Variants in RAD51D observed in about 807,000 individuals in gnomAD.
RAD51D encodes DNA repair protein RAD51 homolog 4.
A neutral mutation model predicts 44.1 loss-of-function variants in RAD51D; 38 were observed. The observed-to-expected ratio is 0.86, with a 90% CI of 0.67 to 1.13. The LOEUF (loss-of-function observed/expected upper bound fraction) is 1.13. Among genes scored for constraint, RAD51D ranks in the 50% most tolerant of loss-of-function variants. The pLI is 0.00. For synonymous variants in RAD51D, 141 were observed against 166.6 expected, an observed-to-expected ratio of 0.85 and a Z score of 1.18; for missense variants, 390 against 414.0, an observed-to-expected ratio of 0.94 and a Z score of 0.50.
intron 8 of RAD51D, among the ~76,000 whole-genome samples, 154 bp from the exon 9 acceptor site, chr17:35,101,519 T>C (rs576586099): frequency 6.6e-6 from 1 of 152,316 alleles, no homozygotes; most frequent in East Asian, 1.9e-4. Flanking sequence ...AACTAGAACC[T>C]GGGCCTCCTG....
At position 35,096,944 on chromosome 17, in the gene RAD51D, C is replaced by T. The variant is rs957589108; in HGVS notation, c.*4009G>A. The stretch of plus-strand genomic sequence containing the variant: ...CTTGCAGCCTTAATGATACATGGAC[C>T]TTTGCCTGAGTCCTTGGGAATTCAA... On this transcript the variant is annotated 3_prime_UTR_variant, in exon 10 of 10. Coordinates refer to ENST00000345365, the MANE Select transcript of RAD51D (RefSeq NM_002878.4). The T allele has an allele frequency of 3.3e-5, 5 of 152,128 alleles. No homozygotes were observed. The highest frequency in any genetic ancestry group is 1.2e-4 in the African/African-American group (5 of 41,408). 9.4% of individuals were successfully genotyped at this position (152,128 alleles called of 1,614,324 possible). A position where few individuals can be genotyped will look rare whatever the true frequency, so the allele number is the denominator to read the frequency against.
chr17:35,112,630 G>A (rs1365217813), intron 3 of RAD51D, among the ~76,000 whole-genome samples: 1 of 151,582 alleles, frequency 6.6e-6, no homozygotes. Context: ...CACTTGCCTC[G>A]ACCTTCCAAA....
At chr17:35,106,277 ACCAGATTGCACATCTGCATTTC>A (rs2091601713) in intron 6 of RAD51D, 87 bp downstream of exon 6, 1 of 898,812 alleles carries the variant, frequency 1.1e-6, no homozygotes, top group Non-Finnish European at 1.9e-6. Flanking sequence ...AGTTGGAGTC[ACCAGATTGCACATCTGCATTTC>A]CAAACAGTCT....
intron 3 of RAD51D, chr17:35,117,160 CCAA>C: frequency 9.2e-7 from 1 of 1,082,790 alleles, no homozygotes; most frequent in Non-Finnish European, 1.3e-6. Context: ...TCCCCTACAC[CCAA>C]CTAGAGGCCT....
At position 35,103,383 on chromosome 17, in the gene RAD51D, C is replaced by G. The variant is rs1333067396; in HGVS notation, c.668-59G>C. On this transcript the variant is annotated intron_variant, in intron 7 of 9. Transcript: ENST00000345365. The surrounding 1 kb of genome is among the most constrained non-coding windows in gnomAD (Gnocchi z 4.1). ...GTGGGGAACCAGGGATGGGGCTGGCCAGAGACCAGACTCCAGAGCTGGGAG... is the reference window on the plus strand; with the variant it reads ...GTGGGGAACCAGGGATGGGGCTGGCGAGAGACCAGACTCCAGAGCTGGGAG... 7 of 1,609,524 alleles carry G rather than the reference C, an allele frequency of 4.3e-6. No homozygotes were observed. Among genetic ancestry groups the G allele is most frequent in the Non-Finnish European group, 5.1e-6 (6 of 1,176,028 alleles).
rs776977460 is a variant in RAD51D at position 35,099,805 on chromosome 17, C to T, written c.*1148G>A. ...CAATCCTGATCATTTCTGTACTTTT[C>T]CTTTTATTTTCCATTCCCTGGTGTC... is the stretch of plus-strand genomic sequence containing the variant. On this transcript the variant is annotated 3_prime_UTR_variant, in exon 10 of 10. Transcript: ENST00000345365. 4.8e-5 allele frequency: 23 copies of T among 480,568 alleles called. No individual in the cohort carries two copies. The highest frequency in any genetic ancestry group is 3.7e-4 in the South Asian group (23 of 62,952). The allele number at this position is 480,568 out of a possible 1,614,324, so 29.8% of individuals were successfully genotyped here.
chr17:35,109,487 T>C (rs1171303442), intron 3 of RAD51D, among the ~76,000 whole-genome samples: 1 of 152,218 alleles, frequency 6.6e-6, no homozygotes, highest in African/African-American at 2.4e-5. Context: ...CAAACTATTT[T>C]CCAGAGTGGC....
Position 35,099,622 on chromosome 17 carries a change from T to C in RAD51D, c.*1331A>G, listed in dbSNP as rs2142405283. ...TTTGCCACTCCTTCCCAATCCTCCA[T>C]GATTCTATCCCTGTTGCATTCATCA... On this transcript the variant is annotated 3_prime_UTR_variant, in exon 10 of 10. Coordinates refer to ENST00000345365, the MANE Select transcript of RAD51D (RefSeq NM_002878.4). The C allele has an allele frequency of 2.8e-6, 1 of 361,848 alleles. No individual in the cohort carries two copies. The highest frequency in any genetic ancestry group is 5.4e-6 in the Non-Finnish European group (1 of 184,826). 22.4% of individuals were successfully genotyped at this position (361,848 alleles called of 1,614,324 possible). A position where few individuals can be genotyped will look rare whatever the true frequency, so the allele number is the denominator to read the frequency against.
chr17:35,119,333 T>C (rs1363228958), intron 1 of RAD51D, 161 bp from the exon 2 acceptor site: 1 of 898,226 alleles, frequency 1.1e-6, no homozygotes, highest in Non-Finnish European at 1.8e-6. Context: ...CGCGGTGCCC[T>C]GCACACAGTA....
In RAD51D at chr17:35,099,681, G is replaced by T. The variant is rs1422165729; in HGVS notation, c.*1272C>A. On this transcript the variant is annotated 3_prime_UTR_variant, in exon 10 of 10. Coordinates refer to ENST00000345365, the MANE Select transcript of RAD51D (RefSeq NM_002878.4). ...TGTCATTACTTTCTGAGTGTAACTC[G>T]GACCCTCCTTTCCTGCAGCCAAGAC... The T allele has an allele frequency of 5.2e-6, 2 of 383,064 alleles. No homozygotes were observed. The highest frequency in any genetic ancestry group is 4.2e-5 in the South Asian group (2 of 47,300). The allele number at this position is 383,064 out of a possible 1,614,324, so 23.7% of individuals were successfully genotyped here.
Position 35,096,977 on chromosome 17 carries a change from ATTT to A in RAD51D, c.*3973_*3975del, listed in dbSNP as rs1567722836. The A allele has an allele frequency of 6.6e-6, 1 of 152,164 alleles. No homozygotes were observed. The highest frequency in any genetic ancestry group is 1.5e-5 in the Non-Finnish European group (1 of 68,028). The allele number at this position is 152,164 out of a possible 1,614,324, so 9.4% of individuals were successfully genotyped here. On this transcript the variant is annotated 3_prime_UTR_variant, in exon 10 of 10. Transcript: ENST00000345365. ...GAGTCCTTGGGAATTCAAATGCCTG[ATTT>A]TTAATTAAGGCCATCAAGTGCTAGC...
rs565108029 is a variant in RAD51D, at chr17:35,116,726, C to G, written c.263+1775G>C. 281 of 685,256 alleles carry G rather than the reference C, an allele frequency of 4.1e-4. 2 individuals are homozygous for G. Among genetic ancestry groups the G allele is most frequent in the Middle Eastern group, 3.0e-3 (12 of 4,044 alleles). 42.4% of individuals were successfully genotyped at this position (685,256 alleles called of 1,614,324 possible). A position where few individuals can be genotyped will look rare whatever the true frequency, so the allele number is the denominator to read the frequency against. ...AGCCAGGACAGTCTCGATTTCCTGA[C>G]CTCATGATCCGCCCACCTCAGCCTC... On this transcript the variant is annotated intron_variant, in intron 3 of 9. Coordinates refer to ENST00000345365, the MANE Select transcript of RAD51D (RefSeq NM_002878.4).
At chr17:35,111,279 G>T (rs1019747861) in intron 3 of RAD51D, among the ~76,000 whole-genome samples, 1 of 151,552 alleles carries the variant, frequency 6.6e-6, no homozygotes, top group Non-Finnish European at 1.5e-5. Context: ...GCTTGAACCC[G>T]GGAGGCGGAG....
At position 35,103,904 on chromosome 17, in the gene RAD51D, C is replaced by T. The variant is rs1233514295; in HGVS notation, c.577-360G>A. Among the ~76,000 whole-genome samples the T allele has an allele frequency of 2.6e-5, 4 of 152,116 alleles. No individual in the cohort carries two copies. The highest frequency in any genetic ancestry group is 1.3e-4 in the Admixed American group (2 of 15,264). ...ACCAGCCTGGCCAACATGGTGAAAC[C>T]CCGTCTCCACTAAACATACAAAAAT... On this transcript the variant is annotated intron_variant, in intron 6 of 9. Coordinates refer to ENST00000345365, the MANE Select transcript of RAD51D (RefSeq NM_002878.4). This position sits in a 1 kb window ranked among gnomAD's most constrained non-coding sequence, Gnocchi z 4.1.
At chr17:35,101,559 C>T (rs2091538994) in intron 8 of RAD51D, among the ~76,000 whole-genome samples, 194 bp from the exon 9 acceptor site, 1 of 152,144 alleles carries the variant, frequency 6.6e-6, no homozygotes, top group Admixed American at 6.5e-5. Context: ...CACTAAATCT[C>T]GATGCCTCAG....
intron 3 of RAD51D, among the ~76,000 whole-genome samples, chr17:35,109,481 C>G (rs1360224355): frequency 6.6e-6 from 1 of 152,170 alleles, no homozygotes; most frequent in Non-Finnish European, 1.5e-5. Context: ...AACTACCAAA[C>G]TATTTTCCAG....
intron 3 of RAD51D, among the ~76,000 whole-genome samples, chr17:35,115,506 C>G (rs565965593): frequency 4.1e-4 from 62 of 152,266 alleles, no homozygotes; most frequent in Non-Finnish European, 8.1e-4. Flanking sequence ...ATTTCTCAAA[C>G]TTCTGACTAC....
intron 8 of RAD51D, among the ~76,000 whole-genome samples, chr17:35,102,781 T>C (rs1175419823): frequency 6.6e-6 from 1 of 152,166 alleles, no homozygotes; most frequent in Non-Finnish European, 1.5e-5. Flanking sequence ...TTCTATCCTT[T>C]CTATGAGAAG....
intron 8 of RAD51D, among the ~76,000 whole-genome samples, chr17:35,102,877 G>A (rs2091556249): frequency 6.6e-6 from 1 of 152,130 alleles, no homozygotes; most frequent in Admixed American, 6.5e-5. Flanking sequence ...CTCTGGAAAA[G>A]GCCAAACTAT....
Sources: gnomAD v4.1 joint callset for allele counts (sites outside exome capture counted in the v4.1 genomes callset) on GRCh38, gnomAD v4.1.1 for gene constraint, Gnocchi (gnomAD v3.1) non-coding constraint, MANE v1.5 for transcripts, NCBI Gene and HGNC (gene_info 2026-07-23, HGNC 2026-07-21) for gene names.